Variants in OSBPL9 observed in about 807,000 individuals in gnomAD.
OSBPL9 encodes oxysterol-binding protein-related protein 9.
A neutral mutation model predicts 106.6 loss-of-function variants in OSBPL9; 40 were observed. The observed-to-expected ratio is 0.38, with a 90% CI of 0.29 to 0.49. OSBPL9 has a LOEUF of 0.49. Ranked by LOEUF, OSBPL9 falls within the 20% of genes least tolerant of loss-of-function variation. The probability of loss-of-function intolerance (pLI) is 0.97; values close to 1 mark genes in which losing one functional copy is unlikely to be tolerated. For synonymous variants in OSBPL9, 269 were observed against 295.4 expected (o/e 0.91, Z 0.92); for missense variants, 609 against 887.2 (o/e 0.69, Z 3.98).
At chr1:51,659,486 A>T (rs967529262) in intron 2 of OSBPL9, among the ~76,000 whole-genome samples, 5 of 152,088 alleles carry the variant, frequency 3.3e-5, no homozygotes, top group Admixed American at 6.5e-5. Flanking sequence ...TTAAAATTTT[A>T]AAATTAGGTA....
At chr1:51,579,376 T>G (rs1645206248) in intron 1 of OSBPL9, among the ~76,000 whole-genome samples, 1 of 152,194 alleles carries the variant, frequency 6.6e-6, no homozygotes, top group Non-Finnish European at 1.5e-5. Flanking sequence ...ATTTTTAGAT[T>G]TGAAGGTAAA....
At chr1:51,606,992 G>A (rs565152072) in intron 2 of OSBPL9, among the ~76,000 whole-genome samples, 88 of 151,908 alleles carry the variant, frequency 5.8e-4, no homozygotes, top group African/African-American at 2.1e-3. Context: ...GGAGCTTGCA[G>A]TGAGCCGAGA....
chr1:51,660,707 T>G (rs938821300), intron 2 of OSBPL9, among the ~76,000 whole-genome samples: 2 of 152,206 alleles, frequency 1.3e-5, no homozygotes, highest in African/African-American at 2.4e-5. Flanking sequence ...ATGCAGCGTC[T>G]TCTTTAGTGA....
chr1:51,782,978 A>G (rs1000509199), intron 17 of OSBPL9, among the ~76,000 whole-genome samples: 1 of 152,214 alleles, frequency 6.6e-6, no homozygotes, highest in Non-Finnish European at 1.5e-5. Context: ...GTTTCTACAC[A>G]GTATATTCCT....
the OSBPL9 span, among the ~76,000 whole-genome samples, chr1:51,530,426 A>T: frequency 6.6e-6 from 1 of 151,884 alleles, no homozygotes; most frequent in Non-Finnish European, 1.5e-5. Context: ...TTCTAACTAG[A>T]ATATATAAAG....
intron 3 of OSBPL9, among the ~76,000 whole-genome samples, chr1:51,708,412 GA>G (rs1482693509): frequency 2.0e-5 from 3 of 151,936 alleles, no homozygotes; most frequent in Non-Finnish European, 2.9e-5. Flanking sequence ...TGCTTAAAAA[GA>G]ATATCTGTTT....
At chr1:51,715,448 G>GT (rs978030890) in intron 4 of OSBPL9, among the ~76,000 whole-genome samples, 5 of 152,032 alleles carry the variant, frequency 3.3e-5, no homozygotes, top group Non-Finnish European at 2.9e-5. Flanking sequence ...TTTGTTTTTT[G>GT]TTTTTTTGAG....
At chr1:51,718,940 G>A (rs1008999179) in intron 4 of OSBPL9, among the ~76,000 whole-genome samples, 3 of 152,166 alleles carry the variant, frequency 2.0e-5, no homozygotes, top group Admixed American at 2.0e-4. Flanking sequence ...ATGTTTTCTT[G>A]CAGATTGTGA....
the OSBPL9 span, chr1:51,561,618 T>A: frequency 6.6e-6 from 1 of 151,854 alleles, no homozygotes; most frequent in Non-Finnish European, 1.5e-5. Flanking sequence ...TTTTCCAAAA[T>A]AAAAAAAACA....
Position 51,729,708 on chromosome 1 carries a change from A to C in OSBPL9, c.318+15629A>C, listed in dbSNP as rs1663870930. 2 of 673,432 alleles carry C rather than the reference A, an allele frequency of 3.0e-6. No homozygotes were observed. The highest frequency in any genetic ancestry group is 4.1e-6 in the Non-Finnish European group (2 of 483,422). 41.7% of individuals were successfully genotyped at this position (673,432 alleles called of 1,614,324 possible). A position where few individuals can be genotyped will look rare whatever the true frequency, so the allele number is the denominator to read the frequency against. On this transcript the variant is annotated intron_variant, in intron 4 of 23. Transcript: ENST00000428468. The surrounding 1 kb of genome is among the most constrained non-coding windows in gnomAD (Gnocchi z 5.1). ...TCGTCTGCCTCTCACCTCCTACAGC[A>C]GGTGACCCATGGCCAATCGCCAGGG...
At chr1:51,760,273 A>G (rs973809901) in intron 9 of OSBPL9, 9 of 188,490 alleles carry the variant, frequency 4.8e-5, no homozygotes, top group Non-Finnish European at 7.7e-5. Context: ...TGGGATGGAA[A>G]GATGAGATCC....
the OSBPL9 span, among the ~76,000 whole-genome samples, chr1:51,527,035 C>T: frequency 1.3e-5 from 2 of 152,006 alleles, no homozygotes; most frequent in Non-Finnish European, 2.9e-5. Context: ...TGAGCCATCG[C>T]GCCTGGCCTA....
At chr1:51,750,728 A>C (rs1251392405) in intron 8 of OSBPL9, among the ~76,000 whole-genome samples, 1 of 152,172 alleles carries the variant, frequency 6.6e-6, no homozygotes. Flanking sequence ...TGGTGTATTC[A>C]ACCTAAATAT....
At position 51,750,252 on chromosome 1, in the gene OSBPL9, C is replaced by T. The variant is rs140921698; in HGVS notation, c.543+57C>T. On this transcript the variant is annotated intron_variant, in intron 8 of 23. Coordinates refer to ENST00000428468, the MANE Select transcript of OSBPL9 (RefSeq NM_024586.6). Reference sequence around the variant, plus strand: ...GTATGGAGTTCAAAAATTATAATGGCGTTTTTCTTTAATAGCAAAAAAACT... The same window carrying T: ...GTATGGAGTTCAAAAATTATAATGGTGTTTTTCTTTAATAGCAAAAAAACT... 931 of 1,296,612 alleles carry T rather than the reference C, an allele frequency of 7.2e-4. 7 individuals are homozygous for T. The African/African-American group carries it at 0.012, about 16-fold the overall frequency. The allele number at this position is 1,296,612 out of a possible 1,614,324, so 80.3% of individuals were successfully genotyped here. A position where few individuals can be genotyped will look rare whatever the true frequency, so the allele number is the denominator to read the frequency against.
At chr1:51,607,406 C>T (rs1643956359) in intron 2 of OSBPL9, among the ~76,000 whole-genome samples, 1 of 152,096 alleles carries the variant, frequency 6.6e-6, no homozygotes, top group Admixed American at 6.5e-5. Context: ...AAGTGATCTG[C>T]CCGGCTCAGC....
intron 3 of OSBPL9, among the ~76,000 whole-genome samples, chr1:51,688,368 A>T (rs1430320577): frequency 6.6e-6 from 1 of 152,176 alleles, no homozygotes; most frequent in Non-Finnish European, 1.5e-5. Flanking sequence ...ATGGTAGCCT[A>T]TGCCTGTAAT....
chr1:51,652,046 GTATT>G lies in OSBPL9; in HGVS notation c.162+10_162+13del. The G allele has an allele frequency of 1.3e-6, 2 of 1,590,954 alleles. No homozygotes were observed. The highest frequency in any genetic ancestry group is 1.7e-6 in the Non-Finnish European group (2 of 1,167,292). ...AGAGGATGTGTTAGACTCAGAGTGAGTATTTATTCATTTTTATGAAAATCAATTT... is the reference window on the plus strand; with the variant it reads ...AGAGGATGTGTTAGACTCAGAGTGAGTATTCATTTTTATGAAAATCAATTT... On this transcript the variant is annotated splice_donor_region_variant and intron_variant, in intron 2 of 23. Coordinates refer to ENST00000428468, the MANE Select transcript of OSBPL9 (RefSeq NM_024586.6).
At chr1:51,607,227 G>T (rs538660367) in intron 2 of OSBPL9, among the ~76,000 whole-genome samples, 1 of 143,748 alleles carries the variant, frequency 7.0e-6, no homozygotes, top group East Asian at 2.1e-4. Context: ...GCAGTGGCAC[G>T]ATCTCAGCAC....
chr1:51,679,064 A>G (rs1054352135), intron 3 of OSBPL9, among the ~76,000 whole-genome samples: 2 of 152,210 alleles, frequency 1.3e-5, no homozygotes, highest in African/African-American at 4.8e-5. Context: ...AGTTATAACT[A>G]ATTTTCTAAT....
Sources: allele counts gnomAD v4.1 joint callset (sites outside exome capture counted in the v4.1 genomes callset), GRCh38; gene constraint gnomAD v4.1.1; non-coding constraint Gnocchi (gnomAD v3.1); transcripts MANE v1.5; gene names NCBI Gene and HGNC (gene_info 2026-07-23, HGNC 2026-07-21).